The following SLC10A7 variants were observed in gnomAD, a reference collection of about 807,000 sequenced individuals.
The protein encoded by SLC10A7 is sodium/bile acid cotransporter 7.
In SLC10A7, 29 loss-of-function variants were observed where a neutral mutation model predicts 43.2. The observed-to-expected ratio is 0.67, with a 90% CI of 0.50 to 0.92. SLC10A7 has a LOEUF of 0.92. SLC10A7 is among the 40% of genes least tolerant of loss of function. SLC10A7 has a pLI of 0.00. For synonymous variants in SLC10A7, 152 were observed against 144.8 expected, an observed-to-expected ratio of 1.05 and a Z score of -0.35; for missense variants, 295 against 403.2, an observed-to-expected ratio of 0.73 and a Z score of 2.30.
chr4:146,509,643 T>C (rs985734139), intron 3 of SLC10A7, among the ~76,000 whole-genome samples: 2 of 152,194 alleles, frequency 1.3e-5, no homozygotes, highest in African/African-American at 4.8e-5. Context: ...GTCCTTCTCA[T>C]TTTTCTTCCA....
chr4:146,471,066 G>A (rs1733527725), intron 4 of SLC10A7, among the ~76,000 whole-genome samples: 1 of 152,106 alleles, frequency 6.6e-6, no homozygotes, highest in Non-Finnish European at 1.5e-5. Flanking sequence ...AAATGCTTAG[G>A]ACCAGAACTG....
At chr4:146,327,735 A>G (rs1733238760) in intron 5 of SLC10A7, among the ~76,000 whole-genome samples, 1 of 152,242 alleles carries the variant, frequency 6.6e-6, no homozygotes, top group Non-Finnish European at 1.5e-5. Context: ...AGAATGATAT[A>G]ACTGCTGCGA....
At chr4:146,359,448 C>A (rs1249599463) in intron 5 of SLC10A7, among the ~76,000 whole-genome samples, 6 of 151,852 alleles carry the variant, frequency 4.0e-5, no homozygotes, top group Non-Finnish European at 1.5e-5. Context: ...AAGATGTTCA[C>A]CTATGTTTTT....
chr4:146,322,360 TC>T (rs1439047301), intron 6 of SLC10A7, among the ~76,000 whole-genome samples: 1 of 113,450 alleles, frequency 8.8e-6, no homozygotes, highest in Admixed American at 9.6e-5. Context: ...CCTAATGCTA[TC>T]CCTCCCCCCT....
chr4:146,272,810 A>G (rs1728978221), intron 10 of SLC10A7, among the ~76,000 whole-genome samples: 1 of 151,702 alleles, frequency 6.6e-6, no homozygotes, highest in Non-Finnish European at 1.5e-5. Context: ...TAAACTTTCT[A>G]AATATTAATA....
intron 5 of SLC10A7, among the ~76,000 whole-genome samples, chr4:146,346,329 A>G (rs1029496349): frequency 2.0e-5 from 3 of 152,184 alleles, no homozygotes; most frequent in African/African-American, 7.2e-5. Flanking sequence ...TTCATTGGTT[A>G]TAACAGAAAA....
chr4:146,286,199 C>T (rs79562560), intron 9 of SLC10A7, among the ~76,000 whole-genome samples: 59 of 53,034 alleles, frequency 1.1e-3, no homozygotes, highest in African/African-American at 1.2e-3. Context: ...TGAGAAGGAC[C>T]GTGTTTGGAG....
At chr4:146,320,160 A>G (rs574757268) in intron 6 of SLC10A7, among the ~76,000 whole-genome samples, 7 of 152,108 alleles carry the variant, frequency 4.6e-5, no homozygotes, top group Non-Finnish European at 7.4e-5. Flanking sequence ...GCTTACTTAC[A>G]TTTAGTTGTC....
chr4:146,276,338 G>C (rs1729205192), intron 10 of SLC10A7, among the ~76,000 whole-genome samples: 1 of 152,102 alleles, frequency 6.6e-6, no homozygotes, highest in Admixed American at 6.5e-5. Flanking sequence ...TTTTCTGTTA[G>C]AGCAATTGGC....
intron 5 of SLC10A7, among the ~76,000 whole-genome samples, chr4:146,429,588 A>G (rs1729622015): frequency 6.6e-6 from 1 of 152,200 alleles, no homozygotes; most frequent in Non-Finnish European, 1.5e-5. Context: ...TATAGAAAGA[A>G]AAATAGCAGG....
chr4:146,503,747 G>T, intron 4 of SLC10A7, 102 bp downstream of exon 4: 1 of 1,052,450 alleles, frequency 9.5e-7, no homozygotes, highest in Non-Finnish European at 1.5e-6. Context: ...ATGGCTAGGA[G>T]TTTTCTGCAA....
chr4:146,496,907 T>C (rs776575688), intron 4 of SLC10A7, among the ~76,000 whole-genome samples: 1 of 152,208 alleles, frequency 6.6e-6, no homozygotes, highest in Non-Finnish European at 1.5e-5. Flanking sequence ...TTCTCTATGG[T>C]AGAAAACAGT....
chr4:146,441,555 A>G (rs1730603228), intron 5 of SLC10A7: 1 of 593,160 alleles, frequency 1.7e-6, no homozygotes, highest in Non-Finnish European at 2.1e-6. Context: ...TTCATGTTTT[A>G]CAGATATTAT....
intron 9 of SLC10A7, among the ~76,000 whole-genome samples, chr4:146,288,260 C>G (rs1730169232): frequency 6.6e-6 from 1 of 152,208 alleles, no homozygotes; most frequent in South Asian, 2.1e-4. Context: ...TCGGGGAAAG[C>G]TGATAGAGCA....
intron 5 of SLC10A7, among the ~76,000 whole-genome samples, chr4:146,347,095 A>C (rs942533671): frequency 3.9e-5 from 6 of 152,166 alleles, no homozygotes; most frequent in Non-Finnish European, 8.8e-5. Flanking sequence ...CCAAATGATC[A>C]GTAAGAATGG....
At chr4:146,366,784 A>G (rs1355242151) in intron 5 of SLC10A7, among the ~76,000 whole-genome samples, 1 of 152,108 alleles carries the variant, frequency 6.6e-6, no homozygotes, top group Non-Finnish European at 1.5e-5. Context: ...AAAAGTATTT[A>G]TTTTCCCTTC....
At chr4:146,304,428 C>A (rs1400754201) in intron 7 of SLC10A7, among the ~76,000 whole-genome samples, 1 of 151,850 alleles carries the variant, frequency 6.6e-6, no homozygotes, top group African/African-American at 2.4e-5. Flanking sequence ...TGAATGCATC[C>A]CAGAGATTCT....
intron 5 of SLC10A7, among the ~76,000 whole-genome samples, chr4:146,352,559 C>A (rs1735206557): frequency 6.6e-6 from 1 of 151,104 alleles, no homozygotes; most frequent in South Asian, 2.1e-4. Context: ...ACAGAACTCT[C>A]CACCCCAAAT....
chr4:146,307,969 C>T (rs570707606), intron 6 of SLC10A7, among the ~76,000 whole-genome samples: 23 of 152,298 alleles, frequency 1.5e-4, no homozygotes, highest in Admixed American at 8.5e-4. Context: ...TACCAGACCA[C>T]TGGCATATTC....
Sources: gnomAD v4.1 joint callset for allele counts (sites outside exome capture counted in the v4.1 genomes callset) on GRCh38, gnomAD v4.1.1 for gene constraint, MANE v1.5 for transcripts, NCBI Gene and HGNC (gene_info 2026-07-23, HGNC 2026-07-21) for gene names.